The following NARF variants were observed in gnomAD, a reference collection of about 807,000 sequenced individuals.
The protein encoded by NARF is nuclear prelamin A recognition factor.
In NARF, 41 loss-of-function variants were observed where a neutral mutation model predicts 48.0. The observed-to-expected ratio is 0.85, with a 90% CI of 0.66 to 1.11. The LOEUF is 1.11. Among genes scored for constraint, NARF ranks in the 50% least tolerant of loss-of-function variants. The pLI is 0.00. For synonymous variants in NARF, 215 were observed against 225.5 expected (o/e 0.95, Z 0.42); for missense variants, 613 against 590.2 (o/e 1.04, Z -0.40).
At chr17:82,472,124 G>A (rs534173591) in intron 4 of NARF, among the ~76,000 whole-genome samples, 1 of 152,232 alleles carries the variant, frequency 6.6e-6, no homozygotes, top group Admixed American at 6.5e-5. Flanking sequence ...TCTTAGGAGG[G>A]ATGCCTGTAG....
rs766410242 is a variant in NARF, at chr17:82,468,814, A to G, written c.303A>G (p.Gln101=). 31 of 1,613,916 alleles carry G rather than the reference A, an allele frequency of 1.9e-5. No homozygotes were observed. The East Asian group carries it at 4.5e-4, about 23-fold the overall frequency. The part of the protein sequence containing the change: ...HKVLVVSVCP[Q]SLPYFAAKFN... Reference sequence around the variant, plus strand: ...TGCTGGTAGTGTCTGTGTGTCCTCAATCTTTGCCTTATTTTGCTGCTAAAT... The same window carrying G: ...TGCTGGTAGTGTCTGTGTGTCCTCAGTCTTTGCCTTATTTTGCTGCTAAAT... The change falls in exon 4 of 11, where the codon CAA becomes CAG. Residue 101 remains glutamine, a synonymous_variant. Coordinates refer to ENST00000309794, the MANE Select transcript of NARF (RefSeq NM_012336.4).
At chr17:82,484,104 T>C (rs1231953628) in intron 8 of NARF, 1 of 246,014 alleles carries the variant, frequency 4.1e-6, no homozygotes, top group East Asian at 9.7e-5. Flanking sequence ...GCCCCCTTCT[T>C]CCTGAGTGCC....
At chr17:82,481,451 CTGGG>C in intron 7 of NARF, among the ~76,000 whole-genome samples, 1 of 152,306 alleles carries the variant, frequency 6.6e-6, no homozygotes, top group South Asian at 2.1e-4. Context: ...CAGGTCTCAG[CTGGG>C]CACAGTGGCT....
chr17:82,471,648 C>T lies in NARF; in HGVS notation c.386-916C>T, dbSNP rs865934503. 2.2e-4 allele frequency among the ~76,000 whole-genome samples: 33 copies of T among 147,494 alleles called. No individual in the cohort carries two copies. In the Middle Eastern group the frequency reaches 0.017, roughly 78 times the overall value. On this transcript the variant is annotated intron_variant, in intron 4 of 10. Coordinates refer to ENST00000309794, the MANE Select transcript of NARF (RefSeq NM_012336.4). ...TCTACTAAAAATACAAAAAATTAGC[C>T]GGGCGTGGTGGTGGGCGCCTGTAGT... is the stretch of plus-strand genomic sequence containing the variant.
intron 4 of NARF, 148 bp downstream of exon 4, chr17:82,469,044 G>T: frequency 1.2e-6 from 1 of 862,624 alleles, no homozygotes; most frequent in Non-Finnish European, 1.7e-6. Flanking sequence ...TGTCCCGTGT[G>T]TCATGAAACC....
At chr17:82,486,726 C>G (rs551931781) in intron 10 of NARF, among the ~76,000 whole-genome samples, 1 of 152,156 alleles carries the variant, frequency 6.6e-6, no homozygotes, top group Non-Finnish European at 1.5e-5. Flanking sequence ...GGAGAAGGTG[C>G]AAGCCCAGCC....
At chr17:82,470,435 A>C (rs35803956) in intron 4 of NARF, among the ~76,000 whole-genome samples, 3,180 of 152,346 alleles carry the variant, frequency 0.021, 62 homozygotes, top group Non-Finnish European at 0.034. Flanking sequence ...TTATATATCA[A>C]TAAAATGTAT....
At chr17:82,462,376 G>A (rs1430221060) in intron 2 of NARF, among the ~76,000 whole-genome samples, 2 of 152,198 alleles carry the variant, frequency 1.3e-5, no homozygotes, top group African/African-American at 4.8e-5. Flanking sequence ...GACCGTGAGG[G>A]GGTGACTCAG....
At position 82,472,538 on chromosome 17, in the gene NARF, G is replaced by A. The variant is rs1389904546; in HGVS notation, c.386-26G>A. 6 of 1,572,986 alleles carry A rather than the reference G, an allele frequency of 3.8e-6. No homozygotes were observed. In the East Asian group the frequency reaches 1.4e-4, roughly 37 times the overall value. On this transcript the variant is annotated intron_variant, in intron 4 of 10. Transcript: ENST00000309794. The stretch of plus-strand genomic sequence containing the variant: ...GTAGATCTTTTAGTACGTGATTTAA[G>A]CTGAATATGCTCCTCTCTCCTGCAG...
Position 82,458,843 on chromosome 17 carries a change from G to A in NARF, c.27+13G>A. ...CTGCACGCGCAAGGTGAGCGCCGCG[G>A]GCCGGGGAGGCGCGCGCCTGGTGCT... On this transcript the variant is annotated intron_variant, in intron 1 of 10. Transcript: ENST00000309794. 7.1e-7 allele frequency: 1 copy of A among 1,399,716 alleles called. No individual in the cohort carries two copies. The highest frequency in any genetic ancestry group is 9.3e-7 in the Non-Finnish European group (1 of 1,078,524). 86.7% of individuals were successfully genotyped at this position (1,399,716 alleles called of 1,614,324 possible).
At chr17:82,487,788 C>CCAACCCCCCAAA in intron 10 of NARF, 128 bp from the exon 11 acceptor site, 1 of 759,778 alleles carries the variant, frequency 1.3e-6, no homozygotes, top group Non-Finnish European at 2.1e-6. Context: ...CCCTCCCGCC[C>CCAACCCCCCAAA]AATCTCTACA....
At chr17:82,475,944 A>T (rs1295524851) in intron 5 of NARF, among the ~76,000 whole-genome samples, 1 of 152,192 alleles carries the variant, frequency 6.6e-6, no homozygotes, top group East Asian at 1.9e-4. Context: ...TAAAAGATAA[A>T]AAGTATAAAC....
rs1420429633 is a variant in NARF, at chr17:82,488,778, T to G, written c.*621T>G. The stretch of plus-strand genomic sequence containing the variant: ...GGGAATGGAGACAGACTACTGTATT[T>G]TAGGTTTAAAAAGAAAAATCCAGAA... On this transcript the variant is annotated 3_prime_UTR_variant, in exon 11 of 11. Coordinates refer to ENST00000309794, the MANE Select transcript of NARF (RefSeq NM_012336.4). 2.0e-5 allele frequency: 3 copies of G among 152,942 alleles called. No homozygotes were observed. The East Asian group carries it at 5.8e-4, about 29-fold the overall frequency. 9.5% of individuals were successfully genotyped at this position (152,942 alleles called of 1,614,324 possible).
intron 5 of NARF, among the ~76,000 whole-genome samples, chr17:82,472,921 T>G: frequency 6.6e-6 from 1 of 151,732 alleles, no homozygotes; most frequent in East Asian, 1.9e-4. Flanking sequence ...AGTATGGTTA[T>G]TTATTTAATT....
chr17:82,487,905 T>C lies in NARF; in HGVS notation c.1130-11T>C, dbSNP rs750508414. ...GAGCCCAGGATAAACTTACCTGTGT[T>C]TATCTTTCAGGATGCTTAAATGGCA... On this transcript the variant is annotated splice_polypyrimidine_tract_variant and intron_variant, in intron 10 of 10. Transcript: ENST00000309794. 1 of 1,614,006 alleles carries C rather than the reference T, an allele frequency of 6.2e-7. No homozygotes were observed. Among genetic ancestry groups the C allele is most frequent in the South Asian group, 1.1e-5 (1 of 91,084 alleles).
chr17:82,469,057 G>A (rs1158240488), intron 4 of NARF, among the ~76,000 whole-genome samples, 161 bp downstream of exon 4: 1 of 152,194 alleles, frequency 6.6e-6, no homozygotes, highest in Admixed American at 6.5e-5. Context: ...ATGAAACCCA[G>A]CCTCTGATCG....
chr17:82,472,720 C>G (rs772175673), intron 5 of NARF, 22 bp downstream of exon 5: 3 of 1,601,350 alleles, frequency 1.9e-6, no homozygotes, highest in Non-Finnish European at 2.6e-6. Flanking sequence ...GACCCCCGCT[C>G]TGTTGGCCTG....
chr17:82,482,049 T>C (rs9905527), intron 7 of NARF: 53,096 of 301,834 alleles, frequency 0.18, 5,424 homozygotes, highest in Admixed American at 0.29. Context: ...CCTGGAATTA[T>C]GTAGAACCCA....
intron 4 of NARF, among the ~76,000 whole-genome samples, chr17:82,472,345 A>G (rs2043729505): frequency 6.6e-6 from 1 of 151,894 alleles, no homozygotes; most frequent in Non-Finnish European, 1.5e-5. Flanking sequence ...TTGGCCAGGC[A>G]TGATGGCGGG....
Sources: gnomAD v4.1 joint callset for allele counts (sites outside exome capture counted in the v4.1 genomes callset) on GRCh38, gnomAD v4.1.1 for gene constraint, MANE v1.5 for transcripts, NCBI Gene and HGNC (gene_info 2026-07-23, HGNC 2026-07-21) for gene names.